The following DNAH17 variants were observed in gnomAD, a reference collection of about 807,000 sequenced individuals.
DNAH17 encodes the protein dynein axonemal heavy chain 17.
Under a neutral mutation model 485.6 loss-of-function variants are expected in DNAH17, and 376 were observed. The observed-to-expected ratio is 0.77, with a 90% CI of 0.71 to 0.84. DNAH17 has a LOEUF of 0.84. Ranked by LOEUF, DNAH17 falls within the 40% of genes least tolerant of loss-of-function variation. The pLI, the probability that DNAH17 is intolerant of heterozygous loss-of-function variation, is 0.00. For missense variants in DNAH17, 6,370 were observed against 5,839.3 expected, an observed-to-expected ratio of 1.09 and a Z score of -2.96; for synonymous variants, 3,031 against 2,405.9, an observed-to-expected ratio of 1.26 and a Z score of -7.60.
Position 78,561,788 on chromosome 17 carries a change from G to T in DNAH17, c.1762C>A (p.Gln588Lys). The T allele has an allele frequency of 1.9e-6, 3 of 1,613,516 alleles. No homozygotes were observed. The highest frequency in any genetic ancestry group is 2.5e-6 in the Non-Finnish European group (3 of 1,179,714). Residue 588 changes from glutamine to lysine, a missense_variant, in exon 12 of 81, where the codon CAG becomes AAG. By Grantham distance (53) the Gln-to-Lys change is moderately conservative. Coordinates refer to ENST00000389840, the MANE Select transcript of DNAH17 (RefSeq NM_173628.4). ...IHKNMPPVAGQLKWSLELQER... is the reference protein window; with the variant it reads ...IHKNMPPVAGKLKWSLELQER... Reference sequence around the variant, plus strand: ...TGCAGCTCCAGGCTCCATTTGAGCTGCCCGGCCACGGGAGGCATGTTTTTG... The same window carrying T: ...TGCAGCTCCAGGCTCCATTTGAGCTTCCCGGCCACGGGAGGCATGTTTTTG...
At chr17:78,432,699 C>T (rs1380238789) in intron 75 of DNAH17, among the ~76,000 whole-genome samples, 3 of 152,216 alleles carry the variant, frequency 2.0e-5, no homozygotes, top group Non-Finnish European at 4.4e-5. Context: ...CCGTGCATGC[C>T]TGGGGCTTAG....
intron 27 of DNAH17, among the ~76,000 whole-genome samples, chr17:78,508,376 C>G (rs536986215): frequency 6.6e-6 from 1 of 152,354 alleles, no homozygotes; most frequent in East Asian, 1.9e-4. Flanking sequence ...CAGCTCTCAC[C>G]TTCCAGCCTC....
At chr17:78,573,873 G>T (rs892322676) in intron 2 of DNAH17, among the ~76,000 whole-genome samples, 1 of 152,144 alleles carries the variant, frequency 6.6e-6, no homozygotes, top group African/African-American at 2.4e-5. Context: ...CAGATGAGAA[G>T]AGTGATGACC....
intron 11 of DNAH17, 60 bp downstream of exon 11, chr17:78,566,554 A>G (rs551548956): frequency 8.0e-6 from 10 of 1,250,172 alleles, no homozygotes; most frequent in South Asian, 1.3e-5. Context: ...CGTTCTCGAC[A>G]TGAATCCACC....
At position 78,423,853 on chromosome 17, in the gene DNAH17, G is replaced by C. The variant is rs1276362340; in HGVS notation, c.*53C>G. On this transcript the variant is annotated 3_prime_UTR_variant, in exon 81 of 81. Coordinates refer to ENST00000389840, the MANE Select transcript of DNAH17 (RefSeq NM_173628.4). ...AATAAGTCACAGGTGCACAGGTGAA[G>C]GGCTGAGTTGTGGTCCAGCCCCAGG... The C allele has an allele frequency of 6.2e-7, 1 of 1,602,638 alleles. No homozygotes were observed. Among genetic ancestry groups the C allele is most frequent in the African/African-American group, 1.3e-5 (1 of 74,750 alleles).
chr17:78,574,447 G>A (rs1028068525), intron 2 of DNAH17, among the ~76,000 whole-genome samples: 13 of 151,952 alleles, frequency 8.6e-5, no homozygotes, highest in Admixed American at 7.9e-4. Flanking sequence ...AGGCTGCAGT[G>A]AGCTGTGCTC....
intron 18 of DNAH17, among the ~76,000 whole-genome samples, chr17:78,538,792 C>A (rs1251889288): frequency 6.6e-6 from 1 of 152,124 alleles, no homozygotes; most frequent in Non-Finnish European, 1.5e-5. Flanking sequence ...CATCTGAGAC[C>A]CATATGCCAG....
At chr17:78,510,638 C>T in intron 26 of DNAH17, 132 bp from the exon 27 acceptor site, 2 of 1,218,994 alleles carry the variant, frequency 1.6e-6, no homozygotes. Context: ...GAGGCGAGCT[C>T]TGCTCTGCCA....
intron 45 of DNAH17, 35 bp downstream of exon 45, chr17:78,486,189 C>A (rs750948467): frequency 3.8e-6 from 6 of 1,591,858 alleles, no homozygotes; most frequent in South Asian, 3.4e-5. Context: ...GCTGAGAGAC[C>A]CTGTGTGGGT....
chr17:78,480,391 A>C (rs1314877517), intron 49 of DNAH17, among the ~76,000 whole-genome samples: 2 of 152,168 alleles, frequency 1.3e-5, no homozygotes, highest in Non-Finnish European at 2.9e-5. Context: ...TATGTCCCAA[A>C]TATTGTATGT....
intron 25 of DNAH17, among the ~76,000 whole-genome samples, chr17:78,516,435 C>T (rs2090780938): frequency 6.6e-6 from 1 of 152,132 alleles, no homozygotes; most frequent in Non-Finnish European, 1.5e-5. Context: ...GCCTGCAATC[C>T]CAGCACTTTG....
Position 78,495,990 on chromosome 17 carries a change from A to G in DNAH17, c.5788T>C (p.Phe1930Leu). ...CCTATGATCTCTCCCAGGAAATTGAATGCTTTTTTCTTGGCCCGAATTGCA... is the reference window on the plus strand; with the variant it reads ...CCTATGATCTCTCCCAGGAAATTGAGTGCTTTTTTCTTGGCCCGAATTGCA... ...QDAIRAKKKA[F>L]NFLGEIIGLI... Residue 1930 changes from phenylalanine (F) to leucine (L), a missense_variant, in exon 38 of 81, where the codon TTC (phenylalanine) becomes CTC (leucine). By Grantham distance (22) the Phe-to-Leu change is conservative. Coordinates refer to ENST00000389840, the MANE Select transcript of DNAH17 (RefSeq NM_173628.4). The G allele has an allele frequency of 6.2e-7, 1 of 1,613,850 alleles. No homozygotes were observed. The highest frequency in any genetic ancestry group is 8.5e-7 in the Non-Finnish European group (1 of 1,179,804).
At chr17:78,545,751 T>C (rs1451466433) in intron 16 of DNAH17, among the ~76,000 whole-genome samples, 1 of 152,216 alleles carries the variant, frequency 6.6e-6, no homozygotes, top group Non-Finnish European at 1.5e-5. Flanking sequence ...TTTTCAACTC[T>C]TCTAATAGCT....
At chr17:78,485,510 G>A in intron 47 of DNAH17, 40 bp downstream of exon 47, 1 of 1,530,034 alleles carries the variant, frequency 6.5e-7, no homozygotes. Flanking sequence ...GACTGGCGGG[G>A]GGCAGCCGGG....
chr17:78,456,144 C>A (rs563331363), intron 62 of DNAH17, among the ~76,000 whole-genome samples: 28 of 151,780 alleles, frequency 1.8e-4, no homozygotes, highest in Admixed American at 3.3e-4. Context: ...ACTAAAAATA[C>A]AAAAATTAGC....
At chr17:78,529,361 G>A (rs1307829626) in intron 22 of DNAH17, 111 bp downstream of exon 22, 2 of 1,060,390 alleles carry the variant, frequency 1.9e-6, no homozygotes, top group Non-Finnish European at 2.8e-6. Context: ...GTCCAGAGAG[G>A]ATCTAGCCCA....
At chr17:78,472,314 T>TAGGGTTAGGGAGTGGGGGTGCG (rs1568106410) in intron 54 of DNAH17, among the ~76,000 whole-genome samples, 77 of 139,502 alleles carry the variant, frequency 5.5e-4, no homozygotes, top group African/African-American at 2.5e-3. Flanking sequence ...GTGCGAGGGT[T>TAGGGTTAGGGAGTGGGGGTGCG]AGGGTTAGGG....
intron 14 of DNAH17, among the ~76,000 whole-genome samples, chr17:78,553,170 G>A (rs1036270986): frequency 6.6e-6 from 1 of 150,920 alleles, no homozygotes; most frequent in Non-Finnish European, 1.5e-5. Flanking sequence ...ATGATTCCAA[G>A]TTTCCTGAGG....
intron 38 of DNAH17, 146 bp downstream of exon 38, chr17:78,495,729 T>G: frequency 1.0e-6 from 1 of 969,902 alleles, no homozygotes; most frequent in African/African-American, 1.6e-5. Context: ...TGAGTTACTG[T>G]GCCCGGCCAT....
Sources: allele counts gnomAD v4.1 joint callset (sites outside exome capture counted in the v4.1 genomes callset), GRCh38; gene constraint gnomAD v4.1.1; transcripts MANE v1.5; gene names NCBI Gene and HGNC (gene_info 2026-07-23, HGNC 2026-07-21).